The following CDH18 variants were observed in gnomAD, a reference collection of about 807,000 sequenced individuals.
The protein encoded by CDH18 is cadherin-18.
In CDH18, 31 loss-of-function variants were observed where a neutral mutation model predicts 67.9. The ratio of observed to expected loss-of-function variants is 0.46; its 90% CI spans 0.34 to 0.62. CDH18 has a LOEUF of 0.62. Among genes scored for constraint, CDH18 ranks in the 20% least tolerant of loss-of-function variants. The probability of loss-of-function intolerance (pLI) is 0.01; values close to 1 mark genes in which losing one functional copy is unlikely to be tolerated. For synonymous variants in CDH18, 362 were observed against 347.2 expected, an observed-to-expected ratio of 1.04 and a Z score of -0.48; for missense variants, 890 against 975.5, an observed-to-expected ratio of 0.91 and a Z score of 1.17.
At chr5:19,756,257 T>G (rs1489934479) in intron 3 of CDH18, among the ~76,000 whole-genome samples, 2 of 152,172 alleles carry the variant, frequency 1.3e-5, no homozygotes, top group Admixed American at 6.6e-5. Flanking sequence ...ATAAAGATAT[T>G]TTCTTCATAC....
At chr5:20,494,716 C>G (rs1753808215) in intron 1 of CDH18, among the ~76,000 whole-genome samples, 1 of 152,132 alleles carries the variant, frequency 6.6e-6, no homozygotes, top group South Asian at 2.1e-4. Context: ...AACCCAGAGT[C>G]TCATTTCTTG....
At chr5:20,113,862 AG>A (rs1159150273) in intron 2 of CDH18, among the ~76,000 whole-genome samples, 1 of 152,164 alleles carries the variant, frequency 6.6e-6, no homozygotes, top group Non-Finnish European at 1.5e-5. Flanking sequence ...CTGGAGGATG[AG>A]CTTTATGAAA....
intron 2 of CDH18, among the ~76,000 whole-genome samples, chr5:20,071,611 T>C (rs903056282): frequency 3.9e-5 from 6 of 152,216 alleles, no homozygotes; most frequent in Admixed American, 3.9e-4. Context: ...TAACATACTA[T>C]TGTTTATTAA....
intron 3 of CDH18, among the ~76,000 whole-genome samples, chr5:19,829,938 G>A (rs1469502086): frequency 1.3e-5 from 2 of 152,100 alleles, no homozygotes; most frequent in African/African-American, 4.8e-5. Flanking sequence ...AAGCAATGGG[G>A]AAAAGGCTCG....
chr5:19,560,526 G>T (rs1023259752), intron 8 of CDH18, among the ~76,000 whole-genome samples: 1 of 152,022 alleles, frequency 6.6e-6, no homozygotes, highest in African/African-American at 2.4e-5. Flanking sequence ...ATGGATCAAA[G>T]ACTTAAATCT....
intron 3 of CDH18, among the ~76,000 whole-genome samples, chr5:19,834,327 T>TA (rs1781379816): frequency 6.6e-6 from 1 of 152,110 alleles, no homozygotes; most frequent in Admixed American, 6.5e-5. Context: ...GTGTTTATAG[T>TA]ATTCTCTGAT....
chr5:19,479,837 G>A (rs1739103710), intron 12 of CDH18, among the ~76,000 whole-genome samples: 1 of 151,986 alleles, frequency 6.6e-6, no homozygotes, highest in Admixed American at 6.6e-5. Context: ...TAATAAAAAT[G>A]AAAAAGTAAA....
intron 7 of CDH18, among the ~76,000 whole-genome samples, chr5:19,582,615 A>C (rs764265862): frequency 1.2e-4 from 19 of 152,066 alleles, no homozygotes; most frequent in Admixed American, 2.6e-4. Context: ...ATAAAACAGA[A>C]ACTTAGTTGA....
In CDH18 at chr5:20,127,554, G is replaced by T. The variant is rs146186244; in HGVS notation, c.-518+127890C>A. Among the ~76,000 whole-genome samples, 1,413 of 152,196 alleles carry T rather than the reference G, an allele frequency of 9.3e-3. 37 individuals carry two copies. The highest frequency in any genetic ancestry group is 0.032 in the African/African-American group (1,336 of 41,494). ...TCCCGTCATATGGGACAACATGGAA[G>T]AAACTTGAAGACATTATACTAAGTG... On this transcript the variant is annotated intron_variant, in intron 2 of 14. Coordinates refer to the CDH18 transcript ENST00000507958.
rs765489767 is a variant in CDH18, at chr5:19,606,742, G to T, written c.811+5692C>A. Among the ~76,000 whole-genome samples the T allele has an allele frequency of 4.1e-4, 63 of 151,836 alleles. 1 individual carries two copies. Among genetic ancestry groups the T allele is most frequent in the Non-Finnish European group, 4.3e-4 (29 of 67,760 alleles). On this transcript the variant is annotated intron_variant, in intron 6 of 12. Coordinates refer to ENST00000382275, the MANE Select transcript of CDH18 (RefSeq NM_004934.5). ...CATACTTTGTAGAACTAATAGAAAA[G>T]AAGTGAGAAAATGAGGTCGAAGAAA...
intron 1 of CDH18, among the ~76,000 whole-genome samples, chr5:20,565,485 C>T (rs1758449980): frequency 6.6e-6 from 1 of 152,136 alleles, no homozygotes; most frequent in African/African-American, 2.4e-5. Context: ...TCTCCATCTT[C>T]ATTGATATCA....
At chr5:20,139,454 A>G (rs1750045400) in intron 2 of CDH18, among the ~76,000 whole-genome samples, 1 of 152,222 alleles carries the variant, frequency 6.6e-6, no homozygotes. Flanking sequence ...ACAAAAGCCA[A>G]AATTGACAAA....
chr5:19,845,938 G>A (rs1782893946), intron 2 of CDH18, among the ~76,000 whole-genome samples: 1 of 151,976 alleles, frequency 6.6e-6, no homozygotes, highest in South Asian at 2.1e-4. Flanking sequence ...AGCATATAAT[G>A]TGAGCTTATT....
intron 8 of CDH18, among the ~76,000 whole-genome samples, chr5:19,549,204 G>A (rs958024979): frequency 5.9e-5 from 9 of 152,156 alleles, no homozygotes; most frequent in Non-Finnish European, 4.4e-5. Flanking sequence ...CTCATGAATG[G>A]TTTGGCCCCA....
intron 5 of CDH18, among the ~76,000 whole-genome samples, chr5:19,629,895 T>C (rs937239903): frequency 5.9e-5 from 9 of 152,158 alleles, no homozygotes; most frequent in African/African-American, 2.2e-4. Flanking sequence ...TAGAAGAAAA[T>C]TAATTTAAAA....
chr5:20,303,219 G>T (rs542294431), intron 1 of CDH18, among the ~76,000 whole-genome samples: 1 of 152,196 alleles, frequency 6.6e-6, no homozygotes, highest in South Asian at 2.1e-4. Context: ...CTTTTTCTAG[G>T]ATGGTCTCAT....
chr5:19,801,443 A>G (rs1337847534), intron 3 of CDH18, among the ~76,000 whole-genome samples: 1 of 152,212 alleles, frequency 6.6e-6, no homozygotes, highest in Non-Finnish European at 1.5e-5. Flanking sequence ...TGGTTCTCAA[A>G]GTTACATATC....
At chr5:20,560,868 T>G (rs1378750987) in intron 1 of CDH18, among the ~76,000 whole-genome samples, 1 of 151,950 alleles carries the variant, frequency 6.6e-6, no homozygotes, top group Non-Finnish European at 1.5e-5. Context: ...AAAAGACATA[T>G]TTCAAAAAGG....
chr5:19,681,660 G>T (rs1435663295), intron 5 of CDH18, among the ~76,000 whole-genome samples: 3 of 151,910 alleles, frequency 2.0e-5, no homozygotes, highest in Non-Finnish European at 4.4e-5. Context: ...ATGTTGAGTA[G>T]CCCTACAAAC....
Sources: gnomAD v4.1 joint callset for allele counts (sites outside exome capture counted in the v4.1 genomes callset) on GRCh38, gnomAD v4.1.1 for gene constraint, MANE v1.5 for transcripts, NCBI Gene and HGNC (gene_info 2026-07-23, HGNC 2026-07-21) for gene names.